TAFA2: variants seen among roughly 807,000 people sequenced by gnomAD.
TAFA2 encodes chemokine-like protein TAFA-2.
TAFA2 carries 7 observed loss-of-function variants against 18.8 expected under a neutral mutation model. The observed-to-expected ratio is 0.37, with a 90% confidence interval of 0.21 to 0.70. TAFA2 has a LOEUF of 0.70. Among genes scored for constraint, TAFA2 ranks in the 30% least tolerant of loss-of-function variants. The probability of loss-of-function intolerance (pLI) is 0.53; values close to 1 mark genes in which losing one functional copy is unlikely to be tolerated. For synonymous variants in TAFA2, 60 were observed against 54.2 expected (o/e 1.11, Z -0.47); for missense variants, 122 against 158.1 (o/e 0.77, Z 1.23).
intron 1 of TAFA2, among the ~76,000 whole-genome samples, chr12:62,030,593 C>T (rs1592560371): frequency 6.6e-6 from 1 of 152,128 alleles, no homozygotes; most frequent in Admixed American, 6.6e-5. Context: ...AAACAGCCAC[C>T]TCTTGTCAGG....
intron 1 of TAFA2, among the ~76,000 whole-genome samples, chr12:62,026,185 C>T (rs1419203058): frequency 6.6e-6 from 1 of 152,184 alleles, no homozygotes; most frequent in Non-Finnish European, 1.5e-5. Flanking sequence ...CTCTAACCCT[C>T]TGATACACTA....
intron 1 of TAFA2, among the ~76,000 whole-genome samples, chr12:61,882,342 A>C (rs1195816041): frequency 6.6e-6 from 1 of 152,214 alleles, no homozygotes; most frequent in Non-Finnish European, 1.5e-5. Context: ...GGAGAAAAAC[A>C]CTGGAGGAAA....
chr12:61,841,736 G>T (rs996469124), intron 2 of TAFA2, among the ~76,000 whole-genome samples: 4 of 151,966 alleles, frequency 2.6e-5, no homozygotes, highest in Non-Finnish European at 4.4e-5. Flanking sequence ...AAATAGAAAA[G>T]GGAATTTTTA....
At chr12:62,113,866 C>T (rs1400893958) in intron 1 of TAFA2, among the ~76,000 whole-genome samples, 2 of 152,188 alleles carry the variant, frequency 1.3e-5, no homozygotes, top group African/African-American at 2.4e-5. Flanking sequence ...GCATCCAGGT[C>T]GACTTCAGAC....
At chr12:62,182,970 A>C (rs944748370) in intron 1 of TAFA2, among the ~76,000 whole-genome samples, 3 of 152,236 alleles carry the variant, frequency 2.0e-5, no homozygotes, top group African/African-American at 7.2e-5. Flanking sequence ...AATGGTAAAT[A>C]TCATGAGGGC....
At chr12:62,095,317 G>A (rs561845839) in intron 1 of TAFA2, among the ~76,000 whole-genome samples, 11 of 152,206 alleles carry the variant, frequency 7.2e-5, no homozygotes, top group African/African-American at 2.4e-4. Context: ...TTAAGGGATA[G>A]ACAGTCGATT....
At chr12:62,029,627 A>T (rs77814583) in intron 1 of TAFA2, among the ~76,000 whole-genome samples, 94,916 of 151,756 alleles carry the variant, frequency 0.63, 29,808 homozygotes, top group Middle Eastern at 0.72. Context: ...AAGCCAAAAC[A>T]TGGATTACTT....
chr12:61,782,970 T>C (rs1283470176), intron 2 of TAFA2, among the ~76,000 whole-genome samples: 3 of 151,718 alleles, frequency 2.0e-5, no homozygotes, highest in Admixed American at 1.3e-4. Context: ...CTGACATTTA[T>C]CATTTTTTTC....
intron 1 of TAFA2, among the ~76,000 whole-genome samples, chr12:62,095,146 A>G (rs933343302): frequency 1.3e-5 from 2 of 152,052 alleles, no homozygotes; most frequent in East Asian, 3.9e-4. Flanking sequence ...ACGGTCTTAG[A>G]AAACTGTCCT....
chr12:61,835,139 T>TA (rs1365533327), intron 2 of TAFA2, among the ~76,000 whole-genome samples: 7 of 151,974 alleles, frequency 4.6e-5, no homozygotes, highest in Non-Finnish European at 7.4e-5. Context: ...CTTCTGACTA[T>TA]AAAATAATAC....
chr12:62,141,416 C>T (rs961518385), intron 1 of TAFA2, among the ~76,000 whole-genome samples: 20 of 152,174 alleles, frequency 1.3e-4, no homozygotes, highest in African/African-American at 4.8e-4. Flanking sequence ...GTTGGTCAGG[C>T]TCTCCAAAGA....
At chr12:61,965,341 C>G (rs1879031976) in intron 1 of TAFA2, among the ~76,000 whole-genome samples, 1 of 151,946 alleles carries the variant, frequency 6.6e-6, no homozygotes, top group Non-Finnish European at 1.5e-5. Flanking sequence ...GTGTCTCAAT[C>G]TTGGACTGCT....
At chr12:62,251,636 A>G (rs2062914294) in intron 1 of TAFA2, among the ~76,000 whole-genome samples, 1 of 152,228 alleles carries the variant, frequency 6.6e-6, no homozygotes, top group South Asian at 2.1e-4. Flanking sequence ...TTGAGCAGAG[A>G]AAGAAAGTGG....
At chr12:61,857,511 C>T (rs1873933552) in intron 2 of TAFA2, among the ~76,000 whole-genome samples, 1 of 152,146 alleles carries the variant, frequency 6.6e-6, no homozygotes, top group Admixed American at 6.5e-5. Context: ...TCATTTTCTT[C>T]TAAAACATTT....
chr12:61,794,367 CTATA>C (rs995353853), intron 2 of TAFA2, among the ~76,000 whole-genome samples: 2 of 151,702 alleles, frequency 1.3e-5, no homozygotes, highest in African/African-American at 4.8e-5. Context: ...ATTTGTATAT[CTATA>C]TATAAGAAAT....
intron 1 of TAFA2, among the ~76,000 whole-genome samples, chr12:61,964,303 A>G (rs1878995118): frequency 6.6e-6 from 1 of 151,872 alleles, no homozygotes; most frequent in African/African-American, 2.4e-5. Flanking sequence ...TTTATTAGAA[A>G]ATTACATCAC....
chr12:61,785,976 T>C (rs768177142), intron 2 of TAFA2, among the ~76,000 whole-genome samples: 1 of 151,534 alleles, frequency 6.6e-6, no homozygotes, highest in African/African-American at 2.4e-5. Context: ...GCTGTGAGTC[T>C]TGGGAGACAA....
At chr12:61,914,503 A>T (rs182012212) in intron 1 of TAFA2, among the ~76,000 whole-genome samples, 2 of 152,272 alleles carry the variant, frequency 1.3e-5, no homozygotes, top group East Asian at 3.9e-4. Flanking sequence ...AGTTACTGTA[A>T]ACCTAATTAA....
chr12:61,968,275 T>C (rs1879134937), intron 1 of TAFA2, among the ~76,000 whole-genome samples: 6 of 151,766 alleles, frequency 4.0e-5, no homozygotes, highest in Admixed American at 4.0e-4. Flanking sequence ...CATACCGCTC[T>C]ACAAGCACTT....
Sources: gnomAD v4.1 joint callset for allele counts (sites outside exome capture counted in the v4.1 genomes callset) on GRCh38, gnomAD v4.1.1 for gene constraint, MANE v1.5 for transcripts, NCBI Gene and HGNC (gene_info 2026-07-23, HGNC 2026-07-21) for gene names.